The following MARCHF1 variants were observed in gnomAD, a reference collection of about 807,000 sequenced individuals.
The protein encoded by MARCHF1 is membrane associated ring-CH-type finger 1.
A neutral mutation model predicts 54.2 loss-of-function variants in MARCHF1; 40 were observed. The observed-to-expected ratio is 0.74, with a 90% confidence interval of 0.57 to 0.96. MARCHF1 has a LOEUF of 0.96. Among genes scored for constraint, MARCHF1 ranks in the 40% least tolerant of loss-of-function variants. The probability of loss-of-function intolerance (pLI) is 0.00; values close to 1 mark genes in which losing one functional copy is unlikely to be tolerated. For synonymous variants in MARCHF1, 236 were observed against 236.3 expected (o/e 1.00, Z 0.01); for missense variants, 586 against 656.5 (o/e 0.89, Z 1.17).
intron 1 of MARCHF1, among the ~76,000 whole-genome samples, chr4:164,200,462 T>C (rs1731422374): frequency 1.3e-5 from 2 of 152,302 alleles, no homozygotes; most frequent in South Asian, 2.1e-4. Flanking sequence ...TGCACATAAG[T>C]CTTGTATAAC....
chr4:164,200,008 C>A (rs1362131962), intron 1 of MARCHF1, among the ~76,000 whole-genome samples: 1 of 152,174 alleles, frequency 6.6e-6, no homozygotes, highest in Non-Finnish European at 1.5e-5. Flanking sequence ...GACCTCCTTG[C>A]AATCTTTAGT....
At chr4:163,577,089 T>A (rs1740065129) in intron 8 of MARCHF1, among the ~76,000 whole-genome samples, 1 of 152,144 alleles carries the variant, frequency 6.6e-6, no homozygotes, top group Non-Finnish European at 1.5e-5. Context: ...TGTGAGGTTT[T>A]GATCCTATCA....
At chr4:163,697,779 G>A (rs1744681931) in intron 5 of MARCHF1, among the ~76,000 whole-genome samples, 1 of 152,020 alleles carries the variant, frequency 6.6e-6, no homozygotes, top group South Asian at 2.1e-4. Context: ...ATTTATTGTT[G>A]AATATATGTA....
In MARCHF1 at chr4:163,612,823, C is replaced by T; in HGVS notation, c.458G>A (p.Arg153Lys). Residue 153 changes from arginine (R) to lysine (K), a missense_variant, in exon 7 of 10, where the codon AGG becomes AAG. Physicochemically the swap from Arg to Lys is conservative, Grantham distance 26 (BLOSUM62 2). Coordinates refer to ENST00000514618, the MANE Select transcript of MARCHF1 (RefSeq NM_001394959.1). ...FHLQISSPRW[R>K]ELYTDSSDSS... ...ATCTGAAGAATCTGTGTAAAGCTCCCTCCACCTGGGGCTTGAGATTTGAAG... is the reference window on the plus strand; with the variant it reads ...ATCTGAAGAATCTGTGTAAAGCTCCTTCCACCTGGGGCTTGAGATTTGAAG... 6.5e-7 allele frequency: 1 copy of T among 1,535,198 alleles called. No homozygotes were observed. Among genetic ancestry groups the T allele is most frequent in the Non-Finnish European group, 8.7e-7 (1 of 1,146,464 alleles).
intron 2 of MARCHF1, among the ~76,000 whole-genome samples, chr4:164,013,947 G>C (rs1038406021): frequency 6.6e-6 from 1 of 152,010 alleles, no homozygotes; most frequent in Non-Finnish European, 1.5e-5. Context: ...GGTGGATCAG[G>C]ATGCAGGTGG....
chr4:163,752,132 T>C (rs747594180), intron 4 of MARCHF1, among the ~76,000 whole-genome samples: 17 of 152,208 alleles, frequency 1.1e-4, no homozygotes, highest in South Asian at 6.2e-4. Context: ...GTCATCTATT[T>C]AGAAAAAAAT....
chr4:164,078,869 T>C (rs778304863), intron 2 of MARCHF1, among the ~76,000 whole-genome samples: 1 of 152,022 alleles, frequency 6.6e-6, no homozygotes. Flanking sequence ...TGTATACATA[T>C]GTAACAAACC....
intron 8 of MARCHF1, among the ~76,000 whole-genome samples, chr4:163,575,891 G>A (rs1027096762): frequency 1.3e-5 from 2 of 151,900 alleles, no homozygotes; most frequent in Non-Finnish European, 2.9e-5. Flanking sequence ...CGGTTGTAAT[G>A]TCACCTTTGT....
At chr4:164,270,932 A>G (rs1259391493) in intron 1 of MARCHF1, among the ~76,000 whole-genome samples, 1 of 152,190 alleles carries the variant, frequency 6.6e-6, no homozygotes, top group East Asian at 1.9e-4. Context: ...GTAGAAAAAG[A>G]AAGTTGAGGA....
At chr4:163,890,085 C>T (rs1447893955) in intron 3 of MARCHF1, among the ~76,000 whole-genome samples, 2 of 139,130 alleles carry the variant, frequency 1.4e-5, no homozygotes, top group African/African-American at 2.9e-5. Flanking sequence ...CCACCATGCC[C>T]GGCTAATTTT....
At chr4:164,140,749 C>T (rs1010154806) in intron 1 of MARCHF1, among the ~76,000 whole-genome samples, 1 of 130,966 alleles carries the variant, frequency 7.6e-6, no homozygotes, top group Non-Finnish European at 1.6e-5. Context: ...TGGTAACATA[C>T]ACACACACAT....
chr4:163,878,406 T>C (rs1750340560), intron 3 of MARCHF1, among the ~76,000 whole-genome samples: 2 of 152,218 alleles, frequency 1.3e-5, no homozygotes. Context: ...AGAGGTATTA[T>C]TGCTTTTGGG....
chr4:164,147,880 T>C (rs1246210854), intron 1 of MARCHF1, among the ~76,000 whole-genome samples: 3 of 151,714 alleles, frequency 2.0e-5, no homozygotes, highest in Admixed American at 1.3e-4. Flanking sequence ...AAAAAAAAAT[T>C]ACATATGTTA....
intron 3 of MARCHF1, among the ~76,000 whole-genome samples, chr4:163,926,058 ATG>A (rs758863876): frequency 0.034 from 5,136 of 151,664 alleles, 239 homozygotes; most frequent in East Asian, 0.19. Context: ...TATTACATAT[ATG>A]AAGGGAAAAA....
At chr4:164,353,851 T>C (rs1448130864) in intron 1 of MARCHF1, among the ~76,000 whole-genome samples, 2 of 141,936 alleles carry the variant, frequency 1.4e-5, no homozygotes, top group Non-Finnish European at 1.5e-5. Context: ...ATCAACAAAA[T>C]TGATAGACTG....
At chr4:164,144,242 G>A (rs1729601691) in intron 1 of MARCHF1, among the ~76,000 whole-genome samples, 1 of 150,944 alleles carries the variant, frequency 6.6e-6, no homozygotes, top group Non-Finnish European at 1.5e-5. Flanking sequence ...ACACCCCACT[G>A]TCAACATTAG....
chr4:164,184,502 A>AC (rs1296291285), intron 1 of MARCHF1, among the ~76,000 whole-genome samples: 1 of 152,220 alleles, frequency 6.6e-6, no homozygotes, highest in Non-Finnish European at 1.5e-5. Flanking sequence ...TACACTCTGC[A>AC]CTGATGGACG....
intron 5 of MARCHF1, among the ~76,000 whole-genome samples, chr4:163,678,077 A>G (rs1398317786): frequency 3.3e-5 from 5 of 152,210 alleles, no homozygotes; most frequent in South Asian, 4.1e-4. Context: ...TCTTAGCTCA[A>G]TTGCCCTTGA....
chr4:164,026,110 A>AAC (rs1560867878), intron 2 of MARCHF1, among the ~76,000 whole-genome samples: 23 of 151,934 alleles, frequency 1.5e-4, no homozygotes, highest in Middle Eastern at 3.4e-3. Flanking sequence ...ACAACAACAA[A>AAC]AAATTGCTGG....
Sources: allele counts gnomAD v4.1 joint callset (sites outside exome capture counted in the v4.1 genomes callset), GRCh38; gene constraint gnomAD v4.1.1; transcripts MANE v1.5; gene names NCBI Gene and HGNC (gene_info 2026-07-23, HGNC 2026-07-21).